ANGPT1: variants seen among roughly 807,000 people sequenced by gnomAD.
ANGPT1 encodes the protein angiopoietin 1, also known as angiopoietin-1.
ANGPT1 carries 17 observed loss-of-function variants against 62.2 expected under a neutral mutation model. That is an observed-to-expected ratio of 0.27 (90% CI 0.19 to 0.41). ANGPT1 has a LOEUF of 0.41. Ranked by LOEUF, ANGPT1 falls within the 10% of genes least tolerant of loss-of-function variation. The pLI is 1.00. For missense variants in ANGPT1, 478 were observed against 594.9 expected (o/e 0.80, Z 2.04); for synonymous variants, 199 against 198.9 (o/e 1.00, Z 0.00).
At chr8:107,307,675 T>C (rs1215212606) in intron 4 of ANGPT1, among the ~76,000 whole-genome samples, 2 of 152,120 alleles carry the variant, frequency 1.3e-5, no homozygotes. Flanking sequence ...TCACCTACCA[T>C]ATAGATGTTC....
chr8:107,392,492 G>A (rs1816854622), intron 1 of ANGPT1, among the ~76,000 whole-genome samples: 1 of 152,134 alleles, frequency 6.6e-6, no homozygotes, highest in Non-Finnish European at 1.5e-5. Context: ...GATTTACTGA[G>A]ATCATGATGT....
At chr8:107,314,917 G>T (rs1158248350) in intron 4 of ANGPT1, among the ~76,000 whole-genome samples, 1 of 152,134 alleles carries the variant, frequency 6.6e-6, no homozygotes, top group Admixed American at 6.5e-5. Flanking sequence ...CTTAACTCAA[G>T]GGACTTGCAG....
intron 1 of ANGPT1, among the ~76,000 whole-genome samples, chr8:107,430,622 T>C (rs1450377241): frequency 6.6e-6 from 1 of 152,176 alleles, no homozygotes; most frequent in Non-Finnish European, 1.5e-5. Context: ...AATGGAATCA[T>C]AAAGTCCTTT....
intron 1 of ANGPT1, among the ~76,000 whole-genome samples, chr8:107,451,939 G>A (rs562113223): frequency 3.6e-4 from 55 of 151,642 alleles, no homozygotes; most frequent in South Asian, 2.5e-3. Flanking sequence ...GTTGATCTTT[G>A]TTTTTCTCTT....
At chr8:107,395,362 A>G (rs1415627863) in intron 1 of ANGPT1, among the ~76,000 whole-genome samples, 2 of 152,180 alleles carry the variant, frequency 1.3e-5, no homozygotes, top group Non-Finnish European at 2.9e-5. Flanking sequence ...CACCTTGAGT[A>G]TTATTTCTAT....
chr8:107,378,691 G>A (rs549112459), intron 1 of ANGPT1, among the ~76,000 whole-genome samples: 2 of 152,138 alleles, frequency 1.3e-5, no homozygotes, highest in East Asian at 3.9e-4. Context: ...GTTCTTGCGA[G>A]ATCTGATGGT....
At chr8:107,253,836 G>A (rs768291172) in intron 8 of ANGPT1, among the ~76,000 whole-genome samples, 1 of 152,194 alleles carries the variant, frequency 6.6e-6, no homozygotes, top group East Asian at 1.9e-4. Flanking sequence ...GTAAGAGCCT[G>A]TGAGAGAGTC....
At chr8:107,348,571 A>G (rs957972407) in intron 1 of ANGPT1, among the ~76,000 whole-genome samples, 12 of 152,300 alleles carry the variant, frequency 7.9e-5, no homozygotes, top group African/African-American at 2.9e-4. Context: ...GTTTATTATA[A>G]AACAAATACA....
At chr8:107,376,096 A>G (rs1816526037) in intron 1 of ANGPT1, among the ~76,000 whole-genome samples, 2 of 152,180 alleles carry the variant, frequency 1.3e-5, no homozygotes, top group Admixed American at 1.3e-4. Flanking sequence ...CTTCATGAGT[A>G]TGTAACTTCT....
At chr8:107,384,169 G>C (rs1342042966) in intron 1 of ANGPT1, among the ~76,000 whole-genome samples, 1 of 152,052 alleles carries the variant, frequency 6.6e-6, no homozygotes, top group Non-Finnish European at 1.5e-5. Flanking sequence ...TGATTCGTTT[G>C]ACTCAGTGGT....
chr8:107,311,952 T>C, intron 4 of ANGPT1, among the ~76,000 whole-genome samples: 1 of 151,512 alleles, frequency 6.6e-6, no homozygotes, highest in Non-Finnish European at 1.5e-5. Flanking sequence ...TAGTCCCAGC[T>C]ACTCGGGAGG....
At chr8:107,468,850 C>T (rs1812273503) in intron 1 of ANGPT1, among the ~76,000 whole-genome samples, 1 of 151,986 alleles carries the variant, frequency 6.6e-6, no homozygotes, top group South Asian at 2.1e-4. Context: ...GCTATGTGTA[C>T]ACAACCAGTT....
chr8:107,406,221 A>T (rs1817145592), intron 1 of ANGPT1, among the ~76,000 whole-genome samples: 1 of 151,724 alleles, frequency 6.6e-6, no homozygotes, highest in Admixed American at 6.6e-5. Flanking sequence ...GTCTTTTTAT[A>T]TTCAGTTGCT....
At chr8:107,398,839 C>A (rs2130324055) in intron 1 of ANGPT1, among the ~76,000 whole-genome samples, 1 of 152,206 alleles carries the variant, frequency 6.6e-6, no homozygotes, top group African/African-American at 2.4e-5. Context: ...ATGGGAGCCT[C>A]AGAAGACACT....
chr8:107,386,457 C>T (rs897054330), intron 1 of ANGPT1, among the ~76,000 whole-genome samples: 5 of 152,090 alleles, frequency 3.3e-5, no homozygotes, highest in African/African-American at 4.8e-5. Context: ...AGAAGAGAGG[C>T]TGCCTTAAAA....
At chr8:107,405,127 C>T (rs1156240683) in intron 1 of ANGPT1, among the ~76,000 whole-genome samples, 1 of 151,562 alleles carries the variant, frequency 6.6e-6, no homozygotes, top group Non-Finnish European at 1.5e-5. Context: ...GAAAAAATCA[C>T]CTACAATTAT....
At chr8:107,377,157 A>C (rs1246662659) in intron 1 of ANGPT1, among the ~76,000 whole-genome samples, 1 of 152,198 alleles carries the variant, frequency 6.6e-6, no homozygotes, top group Non-Finnish European at 1.5e-5. Context: ...TTCAATACAC[A>C]CTTTTGCAAG....
rs925533574 is a variant in ANGPT1 at position 107,361,408 on chromosome 8, T to A, written c.298-14311A>T. Among the ~76,000 whole-genome samples, 28 of 149,274 alleles carry A rather than the reference T, an allele frequency of 1.9e-4. 2 individuals carry two copies. Among genetic ancestry groups the A allele is most frequent in the Admixed American group, 1.5e-3 (23 of 14,890 alleles). Reference sequence around the variant, plus strand: ...AGAAAATTTGCAGATATATATATATTTGTATAGAATCTTAAATTGGAATAT... The same window carrying A: ...AGAAAATTTGCAGATATATATATATATGTATAGAATCTTAAATTGGAATAT... On this transcript the variant is annotated intron_variant, in intron 1 of 8. Transcript: ENST00000517746.
intron 7 of ANGPT1, among the ~76,000 whole-genome samples, chr8:107,281,703 G>T (rs903721971): frequency 6.6e-6 from 1 of 152,158 alleles, no homozygotes; most frequent in Admixed American, 6.5e-5. Flanking sequence ...GCTTGAACCG[G>T]TGAGGCGGAG....
Sources: allele counts gnomAD v4.1 joint callset (sites outside exome capture counted in the v4.1 genomes callset), GRCh38; gene constraint gnomAD v4.1.1; transcripts MANE v1.5; gene names NCBI Gene and HGNC (gene_info 2026-07-23, HGNC 2026-07-21).